Variants in TBC1D19 observed in about 807,000 individuals in gnomAD.
The protein encoded by TBC1D19 is TBC1 domain family, member 19.
Under a neutral mutation model 89.0 loss-of-function variants are expected in TBC1D19, and 60 were observed. The ratio of observed to expected loss-of-function variants is 0.67; its 90% CI spans 0.55 to 0.84. TBC1D19 has a LOEUF of 0.84. TBC1D19 is among the 40% of genes least tolerant of loss of function. TBC1D19 has a pLI of 0.00. For missense variants in TBC1D19, 500 were observed against 610.8 expected, an observed-to-expected ratio of 0.82 and a Z score of 1.91; for synonymous variants, 189 against 199.7, an observed-to-expected ratio of 0.95 and a Z score of 0.45.
chr4:26,787,497 G>A, the TBC1D19 span, among the ~76,000 whole-genome samples: 1 of 152,160 alleles, frequency 6.6e-6, no homozygotes, highest in Non-Finnish European at 1.5e-5. Context: ...GATGGAGATG[G>A]ATGGAAAAGA....
chr4:26,626,023 G>A (rs1394696023), intron 4 of TBC1D19, among the ~76,000 whole-genome samples: 1 of 152,126 alleles, frequency 6.6e-6, no homozygotes, highest in Non-Finnish European at 1.5e-5. Flanking sequence ...CTTTGAGGGA[G>A]GGGTATCTAC....
intron 5 of TBC1D19, among the ~76,000 whole-genome samples, chr4:26,638,116 A>AGTATGTGGC (rs1325906157): frequency 2.7e-4 from 40 of 148,640 alleles, no homozygotes; most frequent in African/African-American, 9.7e-4. Flanking sequence ...AGGAGAAAAG[A>AGTATGTGGC]TGAGAAAGAA....
chr4:26,579,745 T>G, upstream of TBC1D19, among the ~76,000 whole-genome samples: 1 of 150,662 alleles, frequency 6.6e-6, no homozygotes, highest in Non-Finnish European at 1.5e-5. Flanking sequence ...CGCTTATGAG[T>G]AAGAACATAC....
At chr4:26,592,298 T>C (rs1739869477) in intron 1 of TBC1D19, among the ~76,000 whole-genome samples, 1 of 152,178 alleles carries the variant, frequency 6.6e-6, no homozygotes, top group Non-Finnish European at 1.5e-5. Flanking sequence ...CCCTTCATGC[T>C]AAAAACTCTC....
the TBC1D19 span, among the ~76,000 whole-genome samples, chr4:26,818,697 C>CT: frequency 1.2e-4 from 19 of 152,276 alleles, no homozygotes; most frequent in Admixed American, 7.8e-4. Context: ...TGTCCTGAAC[C>CT]TTTTTAGAGT....
chr4:26,583,053 T>C (rs1046230412), upstream of TBC1D19, among the ~76,000 whole-genome samples: 2 of 152,244 alleles, frequency 1.3e-5, no homozygotes, highest in African/African-American at 2.4e-5. Context: ...TCTTTGTTTC[T>C]AGTTAGTCTA....
the TBC1D19 span, among the ~76,000 whole-genome samples, chr4:26,771,122 T>G: frequency 2.0e-5 from 3 of 151,758 alleles, no homozygotes; most frequent in Admixed American, 6.6e-5. Flanking sequence ...ATCAGGGAAA[T>G]GCAGATTAAA....
At chr4:26,787,238 A>T in the TBC1D19 span, among the ~76,000 whole-genome samples, 1 of 151,414 alleles carries the variant, frequency 6.6e-6, no homozygotes, top group African/African-American at 2.4e-5. Context: ...AGTAGCTGGG[A>T]CTACAGGCAC....
At chr4:26,857,891 C>A in the TBC1D19 span, 1 of 152,416 alleles carries the variant, frequency 6.6e-6, no homozygotes, top group South Asian at 2.1e-4. Flanking sequence ...CTGTGCAGGG[C>A]GCGCCCAGTA....
intron 7 of TBC1D19, among the ~76,000 whole-genome samples, chr4:26,649,793 T>C (rs987179708): frequency 1.3e-5 from 2 of 152,062 alleles, no homozygotes; most frequent in African/African-American, 4.8e-5. Flanking sequence ...ACATGTGCCA[T>C]GTAGGTGTGC....
At chr4:26,699,377 G>T (rs1426871837) in intron 13 of TBC1D19, among the ~76,000 whole-genome samples, 1 of 152,198 alleles carries the variant, frequency 6.6e-6, no homozygotes, top group African/African-American at 2.4e-5. Context: ...GTGCTGGAGA[G>T]GATGTGGAGA....
the TBC1D19 span, among the ~76,000 whole-genome samples, chr4:26,847,213 C>A: frequency 6.6e-6 from 1 of 152,184 alleles, no homozygotes; most frequent in African/African-American, 2.4e-5. Flanking sequence ...AACTCACATT[C>A]TCATGGGAGA....
At chr4:26,604,930 G>C (rs115391392) in intron 1 of TBC1D19, among the ~76,000 whole-genome samples, 2,518 of 151,866 alleles carry the variant, frequency 0.017, 69 homozygotes, top group African/African-American at 0.058. Flanking sequence ...GAACATTAGT[G>C]TGCAAATATC....
intron 1 of TBC1D19, among the ~76,000 whole-genome samples, chr4:26,610,415 T>C (rs1741292747): frequency 1.5e-5 from 2 of 131,616 alleles, no homozygotes; most frequent in African/African-American, 5.8e-5. Flanking sequence ...TCTGCATTTC[T>C]TTTTTTTTTT....
At chr4:26,825,127 TC>T in the TBC1D19 span, among the ~76,000 whole-genome samples, 1 of 150,712 alleles carries the variant, frequency 6.6e-6, no homozygotes, top group Non-Finnish European at 1.5e-5. Context: ...TGAGACAGAG[TC>T]TCACTCTGTC....
chr4:26,767,952 C>T, the TBC1D19 span, among the ~76,000 whole-genome samples: 2 of 152,078 alleles, frequency 1.3e-5, no homozygotes, highest in African/African-American at 2.4e-5. Context: ...CCAGGAGGAA[C>T]CTGGATTTCT....
At chr4:26,827,208 A>T in the TBC1D19 span, among the ~76,000 whole-genome samples, 1 of 152,326 alleles carries the variant, frequency 6.6e-6, no homozygotes, top group East Asian at 1.9e-4. Flanking sequence ...AAGATGGAAA[A>T]CACTTTATTT....
At chr4:26,772,444 TG>T in the TBC1D19 span, among the ~76,000 whole-genome samples, 10,802 of 152,034 alleles carry the variant, frequency 0.071, 509 homozygotes, top group Non-Finnish European at 0.11. Flanking sequence ...TTTTTCTGGG[TG>T]GGGGGGAGCC....
the TBC1D19 span, among the ~76,000 whole-genome samples, chr4:26,817,975 A>ACATAT: frequency 2.9e-4 from 31 of 105,208 alleles, no homozygotes; most frequent in Admixed American, 1.3e-3. Flanking sequence ...ATTTAAAAAA[A>ACATAT]AAAAAAATAT....
Sources: gnomAD v4.1 joint callset for allele counts (sites outside exome capture counted in the v4.1 genomes callset) on GRCh38, gnomAD v4.1.1 for gene constraint, MANE v1.5 for transcripts, NCBI Gene and HGNC (gene_info 2026-07-23, HGNC 2026-07-21) for gene names.